ROBO1: variants seen among roughly 807,000 people sequenced by gnomAD.
ROBO1 encodes the protein roundabout homolog 1.
Under a neutral mutation model 195.9 loss-of-function variants are expected in ROBO1, and 149 were observed. That is an observed-to-expected ratio of 0.76 (90% CI 0.67 to 0.87). The LOEUF (loss-of-function observed/expected upper bound fraction) is 0.87. Ranked by LOEUF, ROBO1 falls within the 40% of genes least tolerant of loss-of-function variation. The pLI, the probability that ROBO1 is intolerant of heterozygous loss-of-function variation, is 0.00. For missense variants in ROBO1, 1,933 were observed against 2,068.3 expected, an observed-to-expected ratio of 0.93 and a Z score of 1.27; for synonymous variants, 816 against 733.2, an observed-to-expected ratio of 1.11 and a Z score of -1.82.
intron 2 of ROBO1, among the ~76,000 whole-genome samples, chr3:79,585,011 T>C (rs1038523718): frequency 6.6e-6 from 1 of 151,900 alleles, no homozygotes; most frequent in Non-Finnish European, 1.5e-5. Flanking sequence ...TTCTATGAGA[T>C]TTATATAATG....
At chr3:79,062,914 T>G (rs1048203851) in intron 3 of ROBO1, among the ~76,000 whole-genome samples, 3 of 151,934 alleles carry the variant, frequency 2.0e-5, no homozygotes, top group Non-Finnish European at 4.4e-5. Flanking sequence ...CAAACCAACA[T>G]GGTATATGTA....
rs574598438 is a variant in ROBO1 at position 78,767,234 on chromosome 3, A to G, written c.500-20334T>C. Among the ~76,000 whole-genome samples, 107 of 144,966 alleles carry G rather than the reference A, an allele frequency of 7.4e-4. No individual in the cohort carries two copies. The Middle Eastern group carries it at 0.011, about 15-fold the overall frequency. ...AAATGTCTGGTAGAATTCTGCTGTGAATCCGTCTGGTCCTGGACTTTTTTT... is the reference window on the plus strand; with the variant it reads ...AAATGTCTGGTAGAATTCTGCTGTGGATCCGTCTGGTCCTGGACTTTTTTT... On this transcript the variant is annotated intron_variant, in intron 4 of 30. Coordinates refer to ENST00000464233, the MANE Select transcript of ROBO1 (RefSeq NM_002941.4).
At chr3:79,215,794 TG>T in intron 2 of ROBO1, among the ~76,000 whole-genome samples, 1 of 152,246 alleles carries the variant, frequency 6.6e-6, no homozygotes, top group Admixed American at 6.5e-5. Flanking sequence ...GGGCTCAATT[TG>T]CATTAACTCC....
rs369991183 is a variant in ROBO1, at chr3:79,280,815, C to T, written c.89-155276G>A. ...GCCTGCAACCTACATTGCTCGCATG[C>T]GCACTTCACAATAGGGTTTGAGCTC... On this transcript the variant is annotated intron_variant, in intron 2 of 30. Coordinates refer to ENST00000464233, the MANE Select transcript of ROBO1 (RefSeq NM_002941.4). Among the ~76,000 whole-genome samples, 219 of 152,226 alleles carry T rather than the reference C, an allele frequency of 1.4e-3. 1 individual carries two copies. The highest frequency in any genetic ancestry group is 5.0e-3 in the African/African-American group (208 of 41,544).
Position 79,589,929 on chromosome 3 carries a change from A to G in ROBO1, c.-18T>C, listed in dbSNP as rs759628114. On this transcript the variant is annotated 5_prime_UTR_variant, in exon 2 of 31. The change abolishes an upstream ATG in the 5' untranslated region. Coordinates refer to ENST00000464233, the MANE Select transcript of ROBO1 (RefSeq NM_002941.4). ...CATTTCATCTTTGTCCCTTCCTTGC[A>G]TTACAACCAGCCAGTGACAGACAAT... 6.3e-7 allele frequency: 1 copy of G among 1,575,988 alleles called. No individual in the cohort carries two copies. Among genetic ancestry groups the G allele is most frequent in the East Asian group, 2.2e-5 (1 of 44,542 alleles).
intron 3 of ROBO1, among the ~76,000 whole-genome samples, chr3:79,040,929 C>A (rs1191743529): frequency 6.6e-6 from 1 of 152,186 alleles, no homozygotes; most frequent in African/African-American, 2.4e-5. Context: ...CAGTCTGACT[C>A]TTCACAGCCT....
intron 2 of ROBO1, among the ~76,000 whole-genome samples, chr3:79,196,510 G>C (rs185321470): frequency 6.6e-6 from 1 of 151,776 alleles, no homozygotes; most frequent in East Asian, 1.9e-4. Flanking sequence ...ACTATATGGA[G>C]GGCTCACAGA....
At chr3:79,098,619 T>C (rs556353636) in intron 3 of ROBO1, among the ~76,000 whole-genome samples, 10 of 151,946 alleles carry the variant, frequency 6.6e-5, no homozygotes, top group South Asian at 6.2e-4. Context: ...GTAGCATGAC[T>C]ATATATAAGA....
chr3:78,925,395 A>C (rs2039153782), intron 4 of ROBO1, among the ~76,000 whole-genome samples: 1 of 152,202 alleles, frequency 6.6e-6, no homozygotes, highest in African/African-American at 2.4e-5. Context: ...ACACTCACAA[A>C]TATGACTTCT....
At chr3:79,625,040 G>T (rs1341685056) in intron 1 of ROBO1, among the ~76,000 whole-genome samples, 3 of 152,128 alleles carry the variant, frequency 2.0e-5, no homozygotes, top group Non-Finnish European at 4.4e-5. Context: ...TCAGGATTAA[G>T]AAACTCACTT....
At chr3:78,939,072 G>A (rs1047844952) in intron 3 of ROBO1, 145 bp from the exon 4 acceptor site, 11 of 715,768 alleles carry the variant, frequency 1.5e-5, no homozygotes, top group Admixed American at 3.0e-5. Context: ...CAATCTTTCT[G>A]GTGTCCGCCT....
At chr3:79,443,870 A>G (rs2107143326) in intron 2 of ROBO1, among the ~76,000 whole-genome samples, 1 of 152,194 alleles carries the variant, frequency 6.6e-6, no homozygotes. Flanking sequence ...GCACACAGGG[A>G]AAAAAACAAA....
chr3:78,725,171 A>T (rs1342909562), intron 5 of ROBO1, among the ~76,000 whole-genome samples: 1 of 152,186 alleles, frequency 6.6e-6, no homozygotes, highest in Non-Finnish European at 1.5e-5. Flanking sequence ...TTAGAAGCCC[A>T]CATTTCCATA....
intron 2 of ROBO1, among the ~76,000 whole-genome samples, chr3:79,149,971 C>T (rs1233144662): frequency 6.6e-5 from 10 of 151,662 alleles, no homozygotes; most frequent in Non-Finnish European, 1.2e-4. Context: ...ATAGTGAGGA[C>T]CTGGTAAAGC....
chr3:79,173,116 T>C (rs1161726949), intron 2 of ROBO1, among the ~76,000 whole-genome samples: 1 of 152,070 alleles, frequency 6.6e-6, no homozygotes, highest in African/African-American at 2.4e-5. Flanking sequence ...TAAATACCAG[T>C]CCACATCAAT....
At chr3:79,040,452 A>G (rs2078466015) in intron 3 of ROBO1, among the ~76,000 whole-genome samples, 1 of 152,328 alleles carries the variant, frequency 6.6e-6, no homozygotes, top group South Asian at 2.1e-4. Context: ...ACTAAAAAGA[A>G]TAATTTACAA....
At chr3:78,791,157 A>C (rs996468278) in intron 4 of ROBO1, among the ~76,000 whole-genome samples, 3 of 152,166 alleles carry the variant, frequency 2.0e-5, no homozygotes, top group Non-Finnish European at 2.9e-5. Flanking sequence ...AGAAGTGTCT[A>C]CTTCTCTACT....
Position 78,778,427 on chromosome 3 carries a change from A to G in ROBO1, c.500-31527T>C, listed in dbSNP as rs140226179. Among the ~76,000 whole-genome samples the G allele has an allele frequency of 3.3e-5, 5 of 152,140 alleles. No individual in the cohort carries two copies. In the East Asian group the frequency reaches 9.7e-4, roughly 29 times the overall value. ...GGGAATGGTACCAGCTCCTCTTTGT[A>G]CCTCTGGTAGAATTCAACAAAAATC... On this transcript the variant is annotated intron_variant, in intron 4 of 30. Coordinates refer to ENST00000464233, the MANE Select transcript of ROBO1 (RefSeq NM_002941.4).
At chr3:79,480,698 C>T (rs1938794199) in intron 2 of ROBO1, among the ~76,000 whole-genome samples, 1 of 152,070 alleles carries the variant, frequency 6.6e-6, no homozygotes, top group Admixed American at 6.6e-5. Context: ...AAACTTAAAA[C>T]TGCAAAAGCT....
Sources: allele counts gnomAD v4.1 joint callset (sites outside exome capture counted in the v4.1 genomes callset), GRCh38; gene constraint gnomAD v4.1.1; transcripts MANE v1.5; gene names NCBI Gene and HGNC (gene_info 2026-07-23, HGNC 2026-07-21).